GRIN2B: variants seen among roughly 807,000 people sequenced by gnomAD.
The protein encoded by GRIN2B is glutamate ionotropic receptor NMDA type subunit 2B.
In GRIN2B, 5 loss-of-function variants were observed where a neutral mutation model predicts 114.5. The observed-to-expected ratio is 0.04, with a 90% CI of 0.02 to 0.09. GRIN2B has a LOEUF of 0.09. GRIN2B is among the 10% of genes least tolerant of loss of function. The probability of loss-of-function intolerance (pLI) is 1.00; values close to 1 mark genes in which losing one functional copy is unlikely to be tolerated. For synonymous variants in GRIN2B, 787 were observed against 745.1 expected (o/e 1.06, Z -0.92); for missense variants, 1,108 against 1,943.5 (o/e 0.57, Z 8.08).
chr12:13,808,260 TC>T (rs1428507615), intron 3 of GRIN2B, among the ~76,000 whole-genome samples: 1 of 152,034 alleles, frequency 6.6e-6, no homozygotes, highest in Non-Finnish European at 1.5e-5. Context: ...TCTCAGAGCT[TC>T]TAGGGCCACT....
In GRIN2B at chr12:13,753,995, G is replaced by T; in HGVS notation, c.412-80C>A. On this transcript the variant is annotated intron_variant, in intron 3 of 13. Coordinates refer to ENST00000609686, the MANE Select transcript of GRIN2B (RefSeq NM_000834.5). The surrounding 1 kb of genome is among the most constrained non-coding windows in gnomAD (Gnocchi z 6.2). Reference sequence around the variant, plus strand: ...GGTAATGGAGATTTTGAACCAAGTGGGTACAAAGATTTGTGTTCATTACTT... The same window carrying T: ...GGTAATGGAGATTTTGAACCAAGTGTGTACAAAGATTTGTGTTCATTACTT... 4.8e-6 allele frequency: 4 copies of T among 838,296 alleles called. No individual in the cohort carries two copies. The highest frequency in any genetic ancestry group is 2.0e-6 in the Non-Finnish European group (1 of 492,056). 51.9% of individuals were successfully genotyped at this position (838,296 alleles called of 1,614,324 possible).
chr12:13,653,097 C>A (rs1949831387), intron 5 of GRIN2B, among the ~76,000 whole-genome samples: 1 of 151,952 alleles, frequency 6.6e-6, no homozygotes, highest in Non-Finnish European at 1.5e-5. Context: ...TTCATGCAAT[C>A]AATGACAAAG....
At chr12:13,775,696 T>G (rs1400793189) in intron 3 of GRIN2B, among the ~76,000 whole-genome samples, 2 of 152,242 alleles carry the variant, frequency 1.3e-5, no homozygotes, top group African/African-American at 4.8e-5. Context: ...ATATGAAAAG[T>G]GTACCATGCC....
At chr12:13,872,139 T>C (rs916610309) in intron 2 of GRIN2B, among the ~76,000 whole-genome samples, 1 of 151,990 alleles carries the variant, frequency 6.6e-6, no homozygotes, top group African/African-American at 2.4e-5. Flanking sequence ...GATTCTAGAT[T>C]CAGATAATTA....
chr12:13,657,102 G>A (rs1436564128), intron 5 of GRIN2B, among the ~76,000 whole-genome samples: 4 of 152,176 alleles, frequency 2.6e-5, no homozygotes, highest in Non-Finnish European at 4.4e-5. Context: ...AGGGGCCTGG[G>A]AGTTGCTTTG....
intron 3 of GRIN2B, among the ~76,000 whole-genome samples, chr12:13,766,571 G>T (rs999561976): frequency 6.6e-5 from 10 of 152,132 alleles, no homozygotes; most frequent in African/African-American, 1.4e-4. Flanking sequence ...AGAGTATCAC[G>T]TCCAAATCAC....
intron 4 of GRIN2B, among the ~76,000 whole-genome samples, chr12:13,749,791 C>T (rs948893328): frequency 1.3e-5 from 2 of 152,286 alleles, no homozygotes; most frequent in South Asian, 2.1e-4. Context: ...AGACTTGGGG[C>T]TAACTCTATA....
At position 13,866,105 on chromosome 12, in the gene GRIN2B, A is replaced by G. The variant is rs201568626; in HGVS notation, c.104T>C (p.Ile35Thr). 14 of 1,613,872 alleles carry G rather than the reference A, an allele frequency of 8.7e-6. No individual in the cohort carries two copies. Among genetic ancestry groups the G allele is most frequent in the Non-Finnish European group, 1.1e-5 (13 of 1,179,904 alleles). Residue 35 changes from isoleucine (I) to threonine (T), a missense_variant, in exon 3 of 14, where the codon ATT becomes ACT. Coordinates refer to ENST00000609686, the MANE Select transcript of GRIN2B (RefSeq NM_000834.5). ...RARSQKSPPSIGIAVILVGTS... is the reference protein window; with the variant it reads ...RARSQKSPPSTGIAVILVGTS... The stretch of plus-strand genomic sequence containing the variant: ...GCCCACGAGGATGACAGCAATGCCA[A>G]TGCTGGGGGGGCTCTTCTGAGAACG...
rs1270813945 is a variant in GRIN2B, at chr12:13,605,549, T to A, written c.2010+3054A>T. Among the ~76,000 whole-genome samples the A allele has an allele frequency of 2.8e-3, 98 of 34,938 alleles. 1 individual carries two copies. Among genetic ancestry groups the A allele is most frequent in the African/African-American group, 4.3e-3 (47 of 11,038 alleles). 22.9% of individuals were successfully genotyped at this position (34,938 alleles called of 152,430 possible). On this transcript the variant is annotated intron_variant, in intron 10 of 13. Transcript: ENST00000609686. ...CTCTCTCTCTCTCTCTCTCTCTCTC[T>A]CTGACACACACACACACACACACAC... is the stretch of plus-strand genomic sequence containing the variant.
At chr12:13,652,522 G>A (rs867864682) in intron 5 of GRIN2B, among the ~76,000 whole-genome samples, 2 of 152,040 alleles carry the variant, frequency 1.3e-5, no homozygotes, top group South Asian at 2.1e-4. Context: ...TAGACAAAGC[G>A]GAAACCATGT....
At chr12:13,940,410 C>T (rs1056897314) in intron 2 of GRIN2B, among the ~76,000 whole-genome samples, 1 of 151,832 alleles carries the variant, frequency 6.6e-6, no homozygotes, top group African/African-American at 2.4e-5. Flanking sequence ...CTTACCTTGC[C>T]GTTTGTCCTC....
Position 13,711,047 on chromosome 12 carries a change from A to C in GRIN2B, c.1011-35188T>G, listed in dbSNP as rs184522934. 2.9e-3 allele frequency among the ~76,000 whole-genome samples: 434 copies of C among 152,280 alleles called. 1 individual carries two copies. The highest frequency in any genetic ancestry group is 9.5e-3 in the African/African-American group (394 of 41,564). ...AAACAGAGATATAGACCAATGGAAC[A>C]GAACAGAGCCCTCAGAAATAGGGCT... On this transcript the variant is annotated intron_variant, in intron 4 of 13. Coordinates refer to ENST00000609686, the MANE Select transcript of GRIN2B (RefSeq NM_000834.5).
At chr12:13,665,669 A>C (rs1004986392) in intron 5 of GRIN2B, among the ~76,000 whole-genome samples, 1 of 152,168 alleles carries the variant, frequency 6.6e-6, no homozygotes, top group Non-Finnish European at 1.5e-5. Context: ...AGTATTTCTC[A>C]ACATTTTAAT....
At chr12:13,679,050 A>G (rs1023490161) in intron 4 of GRIN2B, among the ~76,000 whole-genome samples, 1 of 151,862 alleles carries the variant, frequency 6.6e-6, no homozygotes, top group South Asian at 2.1e-4. Context: ...AAAGAAAGAG[A>G]GGAAAAGGAG....
intron 10 of GRIN2B, among the ~76,000 whole-genome samples, chr12:13,591,877 A>ATT (rs1346205030): frequency 7.2e-5 from 11 of 152,338 alleles, no homozygotes; most frequent in Admixed American, 7.2e-4. Context: ...AAACAGAAAT[A>ATT]TGCTGCCCCC....
chr12:13,574,118 G>A (rs1027368478), intron 10 of GRIN2B, among the ~76,000 whole-genome samples: 4 of 152,320 alleles, frequency 2.6e-5, no homozygotes, highest in Admixed American at 2.0e-4. Flanking sequence ...AACCCAAAGA[G>A]GGTAAGTAAT....
chr12:13,739,412 G>A (rs7962331), intron 4 of GRIN2B, among the ~76,000 whole-genome samples: 108,742 of 133,758 alleles, frequency 0.81, 44,426 homozygotes, highest in African/African-American at 0.91. Flanking sequence ...AGAAGAAAAG[G>A]AAAAAAAAAG....
chr12:13,683,305 C>T (rs558049806), intron 4 of GRIN2B, among the ~76,000 whole-genome samples: 1 of 152,176 alleles, frequency 6.6e-6, no homozygotes, highest in African/African-American at 2.4e-5. Context: ...GTGTATATAA[C>T]ACACGTACAC....
rs201565323 is a variant in GRIN2B, at chr12:13,753,370, G to A, written c.957C>T (p.Ser319=). 1.8e-5 allele frequency: 29 copies of A among 1,613,716 alleles called. No individual in the cohort carries two copies. In the South Asian group the frequency reaches 2.6e-4, roughly 15 times the overall value. Residue 319 remains serine, a synonymous_variant, in exon 4 of 14, where the codon AGC becomes AGT. Transcript: ENST00000609686. The surrounding 1 kb of genome is among the most constrained non-coding windows in gnomAD (Gnocchi z 6.2). Reference sequence around the variant, plus strand: ...TCTTCTCGTGGGTGTTGTAACAACTGCTTTTGGGCTCAGGGATGAAGCTGT... The same window carrying A: ...TCTTCTCGTGGGTGTTGTAACAACTACTTTTGGGCTCAGGGATGAAGCTGT... ...SEHSFIPEPK[S]SCYNTHEKRI... is the part of the protein sequence containing the mutation.
Sources: allele counts gnomAD v4.1 joint callset (sites outside exome capture counted in the v4.1 genomes callset), GRCh38; gene constraint gnomAD v4.1.1; non-coding constraint Gnocchi (gnomAD v3.1); transcripts MANE v1.5; gene names NCBI Gene and HGNC (gene_info 2026-07-23, HGNC 2026-07-21).